The following VPS53 variants were observed in gnomAD, a reference collection of about 807,000 sequenced individuals.
The protein encoded by VPS53 is VPS53 subunit of GARP complex, also known as vacuolar protein sorting-associated protein 53 homolog.
VPS53 carries 70 observed loss-of-function variants against 107.0 expected under a neutral mutation model. That is an observed-to-expected ratio of 0.65 (90% confidence interval 0.54 to 0.80). The LOEUF is 0.80. Ranked by LOEUF, VPS53 falls within the 30% of genes least tolerant of loss-of-function variation. The pLI, the probability that VPS53 is intolerant of heterozygous loss-of-function variation, is 0.00. For missense variants in VPS53, 917 were observed against 1,049.4 expected (o/e 0.87, Z 1.74); for synonymous variants, 409 against 393.3 (o/e 1.04, Z -0.47).
chr17:620,476 G>C (rs1016988403), intron 11 of VPS53, among the ~76,000 whole-genome samples: 5 of 152,142 alleles, frequency 3.3e-5, no homozygotes, highest in Non-Finnish European at 5.9e-5. Flanking sequence ...GCCTGCCCCC[G>C]GCTTCAACCA....
At position 519,728 on chromosome 17, in the gene VPS53, T is replaced by G; in HGVS notation, c.2328+98A>C. Reference sequence around the variant, plus strand: ...TCTGTGGAGCCAGGCACATGCATTTTGAGAAAGCCCCCCCGGAACTTATAT... The same window carrying G: ...TCTGTGGAGCCAGGCACATGCATTTGGAGAAAGCCCCCCCGGAACTTATAT... On this transcript the variant is annotated intron_variant, in intron 21 of 21. Coordinates refer to ENST00000437048, the MANE Select transcript of VPS53 (RefSeq NM_001128159.3). The surrounding 1 kb of genome is among the most constrained non-coding windows in gnomAD (Gnocchi z 5.0). 7.4e-6 allele frequency: 7 copies of G among 941,326 alleles called. No homozygotes were observed. The highest frequency in any genetic ancestry group is 1.1e-5 in the Non-Finnish European group (7 of 608,732). 58.3% of individuals were successfully genotyped at this position (941,326 alleles called of 1,614,324 possible).
intron 18 of VPS53, among the ~76,000 whole-genome samples, chr17:534,212 T>G (rs1484754213): frequency 6.6e-6 from 1 of 152,230 alleles, no homozygotes; most frequent in Non-Finnish European, 1.5e-5. Flanking sequence ...TCTCATTTTA[T>G]CTTCCCAACC....
At chr17:602,699 A>C (rs2143008731) in intron 11 of VPS53, among the ~76,000 whole-genome samples, 1 of 152,382 alleles carries the variant, frequency 6.6e-6, no homozygotes, top group East Asian at 1.9e-4. Flanking sequence ...ATGTAGTCAC[A>C]GGACTATCTG....
intron 2 of VPS53, among the ~76,000 whole-genome samples, chr17:708,141 T>C (rs1199984174): frequency 6.6e-6 from 1 of 151,886 alleles, no homozygotes. Flanking sequence ...AACTAAGAAG[T>C]AGTAGGAAAG....
At chr17:705,093 C>T (rs1973351038) in intron 2 of VPS53, among the ~76,000 whole-genome samples, 1 of 152,142 alleles carries the variant, frequency 6.6e-6, no homozygotes, top group Admixed American at 6.5e-5. Context: ...GGATCAAGAG[C>T]TCTGCACTCA....
intron 17 of VPS53, among the ~76,000 whole-genome samples, chr17:541,352 A>G (rs1005975815): frequency 6.6e-6 from 1 of 152,224 alleles, no homozygotes; most frequent in African/African-American, 2.4e-5. Flanking sequence ...AATGTTTGTC[A>G]AGCATCTACC....
intron 2 of VPS53, among the ~76,000 whole-genome samples, chr17:700,527 G>A (rs1246590573): frequency 6.6e-6 from 1 of 152,186 alleles, no homozygotes; most frequent in East Asian, 1.9e-4. Flanking sequence ...CTCCAGCCTG[G>A]GCAACAAGAG....
intron 9 of VPS53, 101 bp from the exon 10 acceptor site, chr17:627,417 C>A: frequency 3.0e-6 from 4 of 1,340,422 alleles, no homozygotes; most frequent in Non-Finnish European, 4.0e-6. Context: ...AGGGAACCAA[C>A]CTCTGTATTT....
chr17:527,788 G>A (rs1259334156), intron 19 of VPS53, among the ~76,000 whole-genome samples: 1 of 152,106 alleles, frequency 6.6e-6, no homozygotes. Flanking sequence ...TTTTTAAATT[G>A]TTTTGTAGAG....
chr17:531,409 A>T (rs1909525468), intron 19 of VPS53, among the ~76,000 whole-genome samples: 1 of 152,242 alleles, frequency 6.6e-6, no homozygotes, highest in African/African-American at 2.4e-5. Flanking sequence ...GTTTGTTAAA[A>T]AATAATAACA....
chr17:531,348 T>C (rs1909520943), intron 19 of VPS53, among the ~76,000 whole-genome samples: 1 of 152,126 alleles, frequency 6.6e-6, no homozygotes, highest in Non-Finnish European at 1.5e-5. Flanking sequence ...CAGCAGATGG[T>C]TTTCTCATCC....
At chr17:609,467 T>C (rs1968739900) in intron 11 of VPS53, among the ~76,000 whole-genome samples, 1 of 152,198 alleles carries the variant, frequency 6.6e-6, no homozygotes, top group South Asian at 2.1e-4. Flanking sequence ...TACGAACATA[T>C]GTTTTTAATT....
rs76459544 is a variant in VPS53, at chr17:606,735, A to T, written c.1117-4839T>A. Reference sequence around the variant, plus strand: ...TGGGCTCCGCCTCCTGTCAGGTCTCATAGGCAAACCCTGTTGTGAGCTGCT... The same window carrying T: ...TGGGCTCCGCCTCCTGTCAGGTCTCTTAGGCAAACCCTGTTGTGAGCTGCT... On this transcript the variant is annotated intron_variant, in intron 11 of 21. Transcript: ENST00000437048. Among the ~76,000 whole-genome samples the T allele has an allele frequency of 2.1e-3, 314 of 152,302 alleles. 8 individuals carry two copies. The East Asian group carries it at 0.055, about 27-fold the overall frequency.
At chr17:585,485 A>C (rs2657616) in intron 13 of VPS53, among the ~76,000 whole-genome samples, 139,292 of 152,136 alleles carry the variant, frequency 0.92, 63,857 homozygotes, top group Admixed American at 0.95. Context: ...AGGGAGACAG[A>C]ATCTCTACTA....
At chr17:701,703 T>C (rs1199001740) in intron 2 of VPS53, among the ~76,000 whole-genome samples, 1 of 152,038 alleles carries the variant, frequency 6.6e-6, no homozygotes, top group Non-Finnish European at 1.5e-5. Flanking sequence ...AATATCATTT[T>C]ATGATAGCAA....
intron 18 of VPS53, among the ~76,000 whole-genome samples, chr17:534,029 AG>A (rs1268117397): frequency 6.6e-6 from 1 of 152,006 alleles, no homozygotes; most frequent in African/African-American, 2.4e-5. Flanking sequence ...TAGTAGAGAT[AG>A]GGTTTCACCA....
chr17:565,861 C>T (rs1338072846), intron 13 of VPS53, among the ~76,000 whole-genome samples: 1 of 152,166 alleles, frequency 6.6e-6, no homozygotes, highest in Admixed American at 6.5e-5. Context: ...TGCCACCCAC[C>T]AACACTTTAT....
At chr17:679,945 C>T (rs1426377407) in intron 4 of VPS53, among the ~76,000 whole-genome samples, 1 of 152,032 alleles carries the variant, frequency 6.6e-6, no homozygotes, top group African/African-American at 2.4e-5. Context: ...GTCAGGAGTT[C>T]GAGACCAGCC....
intron 12 of VPS53, among the ~76,000 whole-genome samples, chr17:599,008 T>A (rs1157321269): frequency 3.8e-5 from 1 of 26,610 alleles, no homozygotes; most frequent in African/African-American, 1.8e-4. Flanking sequence ...GGGGGGGGGG[T>A]CAGCCCCCAA....
Sources: allele counts gnomAD v4.1 joint callset (sites outside exome capture counted in the v4.1 genomes callset), GRCh38; gene constraint gnomAD v4.1.1; non-coding constraint Gnocchi (gnomAD v3.1); transcripts MANE v1.5; gene names NCBI Gene and HGNC (gene_info 2026-07-23, HGNC 2026-07-21).